CMYA5: variants seen among roughly 807,000 people sequenced by gnomAD.
CMYA5 encodes cardiomyopathy associated 5.
A neutral mutation model predicts 318.9 loss-of-function variants in CMYA5; 246 were observed. That is an observed-to-expected ratio of 0.77 (90% CI 0.70 to 0.86). The LOEUF (loss-of-function observed/expected upper bound fraction) is 0.86, where lower values mean the gene tolerates loss of function less well. Ranked by LOEUF, CMYA5 falls within the 40% of genes least tolerant of loss-of-function variation. The pLI is 0.00. For synonymous variants in CMYA5, 1,641 were observed against 1,729.5 expected, an observed-to-expected ratio of 0.95 and a Z score of 1.27; for missense variants, 4,589 against 4,678.2, an observed-to-expected ratio of 0.98 and a Z score of 0.56.
At position 79,730,081 on chromosome 5, in the gene CMYA5, C is replaced by T. The variant is rs751964465; in HGVS notation, c.1316C>T (p.Ala439Val). ...CACCATTCCATTTCTCTGGAGGCAG[C>T]GTCACCAGGTCTGGCAGCATCTACC... ...SAHHSISLEA[A>V]SPGLAASTQD... is the part of the protein sequence containing the mutation. The change falls in exon 2 of 13, where the codon GCG becomes GTG. Residue 439 changes from alanine (A) to valine (V), a missense_variant. By Grantham distance (64) the Ala-to-Val change is moderately conservative. This residue lies in a region of CMYA5 where 2,132 missense variants were observed against 2,131.3 expected (regional missense o/e 1.00). Transcript: ENST00000446378. 11 of 1,613,564 alleles carry T rather than the reference C, an allele frequency of 6.8e-6. No homozygotes were observed. Among genetic ancestry groups the T allele is most frequent in the South Asian group, 4.4e-5 (4 of 91,072 alleles).
chr5:79,758,447 G>T (rs546783244), intron 6 of CMYA5, among the ~76,000 whole-genome samples: 1 of 151,816 alleles, frequency 6.6e-6, no homozygotes, highest in South Asian at 2.1e-4. Context: ...CAGAAGAATC[G>T]CTTGAATCTG....
At position 79,753,930 on chromosome 5, in the gene CMYA5, TG is replaced by T. The variant is rs1580787994; in HGVS notation, c.11110+1137del. ...AGTTTGATTAACAGAGCTGGTCTTT[TG>T]CTTTTAAGGGATTCATTATATGCCA... is the stretch of plus-strand genomic sequence containing the variant. On this transcript the variant is annotated intron_variant, in intron 6 of 12. Coordinates refer to ENST00000446378, the MANE Select transcript of CMYA5 (RefSeq NM_153610.5). 1.3e-5 allele frequency among the ~76,000 whole-genome samples: 2 copies of T among 152,380 alleles called. 1 individual carries two copies.
intron 1 of CMYA5, among the ~76,000 whole-genome samples, chr5:79,713,362 G>A (rs1827441756): frequency 7.0e-6 from 1 of 142,932 alleles, no homozygotes; most frequent in African/African-American, 2.6e-5. Context: ...GTGTCACTGT[G>A]GAGGAATGCC....
Position 79,736,614 on chromosome 5 carries a change from A to G in CMYA5, c.7849A>G (p.Thr2617Ala), listed in dbSNP as rs1159584882. Reference sequence around the variant, plus strand: ...AATCAGAGAAGCAAAGGCAGTAGGAACCCAACCACATCCTTTAGAAGAAAG... The same window carrying G: ...AATCAGAGAAGCAAAGGCAGTAGGAGCCCAACCACATCCTTTAGAAGAAAG... ...PEIREAKAVGTQPHPLEESKV... is the reference protein window; with the variant it reads ...PEIREAKAVGAQPHPLEESKV... Residue 2617 changes from threonine to alanine, a missense_variant, in exon 2 of 13, where the codon ACC becomes GCC. Thr to Ala is a moderately conservative substitution (Grantham distance 58). Coordinates refer to ENST00000446378, the MANE Select transcript of CMYA5 (RefSeq NM_153610.5). The G allele has an allele frequency of 6.2e-7, 1 of 1,613,848 alleles. No homozygotes were observed. Among genetic ancestry groups the G allele is most frequent in the Admixed American group, 1.7e-5 (1 of 59,960 alleles).
chr5:79,795,115 G>A (rs1038356975), intron 12 of CMYA5, among the ~76,000 whole-genome samples: 1 of 152,118 alleles, frequency 6.6e-6, no homozygotes, highest in Admixed American at 6.5e-5. Flanking sequence ...GTATTTTGTT[G>A]ACCAGTTCAA....
chr5:79,797,432 T>C lies in CMYA5; in HGVS notation c.11964-1938T>C, dbSNP rs548118536. ...ATAGTAATTCTTTTAACAGACACAA[T>C]TGCAGTGACAAAGGCAATGACTTTA... On this transcript the variant is annotated intron_variant, in intron 12 of 12. Coordinates refer to ENST00000446378, the MANE Select transcript of CMYA5 (RefSeq NM_153610.5). Among the ~76,000 whole-genome samples the C allele has an allele frequency of 2.6e-5, 4 of 152,352 alleles. No individual in the cohort carries two copies. In the South Asian group the frequency reaches 8.3e-4, roughly 32 times the overall value.
Position 79,738,852 on chromosome 5 carries a change from G to A in CMYA5, c.10087G>A (p.Gly3363Arg), listed in dbSNP as rs780413662. The A allele has an allele frequency of 3.7e-6, 6 of 1,613,752 alleles. No homozygotes were observed. Among genetic ancestry groups the A allele is most frequent in the East Asian group, 2.2e-5 (1 of 44,892 alleles). The change falls in exon 2 of 13, where the codon GGA (glycine) becomes AGA (arginine). Residue 3363 changes from glycine (G) to arginine (R), a missense_variant. Coordinates refer to ENST00000446378, the MANE Select transcript of CMYA5 (RefSeq NM_153610.5). ...DEAGSHGNEV[G>R]NASPEVNLNV... is the part of the protein sequence containing the mutation. ...AGCAGGCAGTCACGGTAATGAAGTC[G>A]GAAATGCAAGTCCAGAGGTCAATCT...
chr5:79,798,614 A>G lies in CMYA5; in HGVS notation c.11964-756A>G, dbSNP rs575183741. 9.1e-4 allele frequency among the ~76,000 whole-genome samples: 139 copies of G among 152,336 alleles called. 1 individual carries two copies. Among genetic ancestry groups the G allele is most frequent in the South Asian group, 2.5e-3 (12 of 4,822 alleles). On this transcript the variant is annotated intron_variant, in intron 12 of 12. Coordinates refer to ENST00000446378, the MANE Select transcript of CMYA5 (RefSeq NM_153610.5). ...ATTCCCAGCCGTGGTCCGAGTTTCAAATGTGGGCAGTTTTTCCTTCCTGCT... is the reference window on the plus strand; with the variant it reads ...ATTCCCAGCCGTGGTCCGAGTTTCAGATGTGGGCAGTTTTTCCTTCCTGCT...
chr5:79,707,517 C>G (rs993512874), intron 1 of CMYA5, among the ~76,000 whole-genome samples: 4 of 152,054 alleles, frequency 2.6e-5, no homozygotes, highest in African/African-American at 9.7e-5. Context: ...TAAAGAGGTA[C>G]CTTTTGGCTT....
intron 1 of CMYA5, among the ~76,000 whole-genome samples, chr5:79,725,418 A>G (rs2151082771): frequency 6.6e-6 from 1 of 152,330 alleles, no homozygotes; most frequent in Non-Finnish European, 1.5e-5. Context: ...AATTTTGGGT[A>G]CACATGGACA....
chr5:79,789,395 C>A (rs1259031555), intron 10 of CMYA5, among the ~76,000 whole-genome samples: 1 of 151,280 alleles, frequency 6.6e-6, no homozygotes, highest in Non-Finnish European at 1.5e-5. Flanking sequence ...GAGATGGGCT[C>A]AAACATTTAT....
chr5:79,707,133 T>C (rs1001437031), intron 1 of CMYA5, among the ~76,000 whole-genome samples: 5 of 152,228 alleles, frequency 3.3e-5, no homozygotes, highest in Non-Finnish European at 5.9e-5. Flanking sequence ...TTCTAGTTAG[T>C]ATTTGAATAC....
At chr5:79,692,926 G>GT (rs1561624035) in intron 1 of CMYA5, among the ~76,000 whole-genome samples, 1 of 152,130 alleles carries the variant, frequency 6.6e-6, no homozygotes, top group Non-Finnish European at 1.5e-5. Context: ...ACAATGCGAG[G>GT]TGCTGGGGAT....
At chr5:79,764,715 G>T (rs1828716959) in intron 9 of CMYA5, among the ~76,000 whole-genome samples, 1 of 152,118 alleles carries the variant, frequency 6.6e-6, no homozygotes, top group Non-Finnish European at 1.5e-5. Context: ...TCTCATTGTG[G>T]TTTTGATTTG....
intron 1 of CMYA5, among the ~76,000 whole-genome samples, chr5:79,716,194 C>G (rs1466411792): frequency 6.6e-6 from 1 of 152,196 alleles, no homozygotes; most frequent in Non-Finnish European, 1.5e-5. Flanking sequence ...GAATTACTCT[C>G]TTTTCTTTGA....
At position 79,737,258 on chromosome 5, in the gene CMYA5, G is replaced by A. The variant is rs764194260; in HGVS notation, c.8493G>A (p.Val2831=). The A allele has an allele frequency of 2.5e-6, 4 of 1,613,742 alleles. No individual in the cohort carries two copies. Among genetic ancestry groups the A allele is most frequent in the Non-Finnish European group, 3.4e-6 (4 of 1,179,808 alleles). The part of the protein sequence containing the change: ...ASGASPEINA[V]KKKEMPRSEL... ...GAGCTTCTCCAGAAATTAACGCAGT[G>A]AAGAAAAAAGAAATGCCACGATCAG... The change falls in exon 2 of 13, where the codon GTG becomes GTA. Residue 2831 remains valine (V), a synonymous_variant. Transcript: ENST00000446378.
intron 9 of CMYA5, among the ~76,000 whole-genome samples, chr5:79,776,053 G>A (rs1828933461): frequency 6.6e-6 from 1 of 152,176 alleles, no homozygotes; most frequent in African/African-American, 2.4e-5. Flanking sequence ...TAAGCCCCAT[G>A]GTTGTCAGGA....
In CMYA5 at chr5:79,731,195, A is replaced by G. The variant is rs745385922; in HGVS notation, c.2430A>G (p.Glu810=). 16 of 1,613,924 alleles carry G rather than the reference A, an allele frequency of 9.9e-6. No individual in the cohort carries two copies. The highest frequency in any genetic ancestry group is 3.3e-5 in the Admixed American group (2 of 60,010). The change falls in exon 2 of 13, where the codon GAA becomes GAG. Residue 810 remains glutamate (E), a synonymous_variant. Transcript: ENST00000446378. ...CAGCCCCACTCAATGCAACACAGGA[A>G]TCTCAAAAGAAAATAATCAATGAGG... is the stretch of plus-strand genomic sequence containing the variant. The part of the protein sequence containing the change: ...KYAAPLNATQ[E]SQKKIINEAS...
At position 79,729,251 on chromosome 5, in the gene CMYA5, A is replaced by G; in HGVS notation, c.486A>G (p.Pro162=). 1.9e-6 allele frequency: 3 copies of G among 1,612,054 alleles called. No homozygotes were observed. Among genetic ancestry groups the G allele is most frequent in the Admixed American group, 1.7e-5 (1 of 59,550 alleles). The change falls in exon 2 of 13, where the codon CCA becomes CCG. Residue 162 remains proline (P), a synonymous_variant. Coordinates refer to ENST00000446378, the MANE Select transcript of CMYA5 (RefSeq NM_153610.5). ...KRNSFESQDV[P]TNKKGSPLTS... is the part of the protein sequence containing the mutation. ...ATTCTTTTGAATCCCAAGATGTTCC[A>G]ACAAACAAAAAAGGCAGTCCTTTAA...
Sources: allele counts gnomAD v4.1 joint callset (sites outside exome capture counted in the v4.1 genomes callset), GRCh38; gene constraint gnomAD v4.1.1; regional missense constraint gnomAD v4.1.1; transcripts MANE v1.5; gene names NCBI Gene and HGNC (gene_info 2026-07-23, HGNC 2026-07-21).